The following COA1 variants were observed in gnomAD, a reference collection of about 807,000 sequenced individuals.
The protein encoded by COA1 is cytochrome c oxidase assembly factor 1 homolog.
COA1 carries 13 observed loss-of-function variants against 16.0 expected under a neutral mutation model. The ratio of observed to expected loss-of-function variants is 0.81; its 90% CI spans 0.53 to 1.29. The LOEUF is 1.29. Ranked by LOEUF, COA1 falls within the 50% of genes most tolerant of loss-of-function variation. The pLI, the probability that COA1 is intolerant of heterozygous loss-of-function variation, is 0.00. For missense variants in COA1, 179 were observed against 177.0 expected, an observed-to-expected ratio of 1.01 and a Z score of -0.06; for synonymous variants, 65 against 65.7, an observed-to-expected ratio of 0.99 and a Z score of 0.05.
At chr7:43,660,452 G>A (rs2092309473) in intron 1 of COA1, among the ~76,000 whole-genome samples, 1 of 152,108 alleles carries the variant, frequency 6.6e-6, no homozygotes, top group South Asian at 2.1e-4. Context: ...GCTTCCATAT[G>A]TTTACTCACA....
At chr7:43,726,777 C>CT (rs1486055364) in intron 1 of COA1, among the ~76,000 whole-genome samples, 1 of 152,172 alleles carries the variant, frequency 6.6e-6, no homozygotes, top group African/African-American at 2.4e-5. Context: ...ATCTAAAAGA[C>CT]TATCACATAT....
In COA1 at chr7:43,645,291, A is replaced by T; in HGVS notation, c.224T>A (p.Leu75His). ...GTCCACGAAGTTTTCCCTGTCGATG[A>T]GCTTGAGATAATGGATGTTGAGAGG... Reference protein sequence around the residue: ...GPPLNIHYLKLIDRENFVDIV... With the variant: ...GPPLNIHYLKHIDRENFVDIV... The change falls in exon 4 of 6, where the codon CTC becomes CAC. Residue 75 changes from leucine (L) to histidine (H), a missense_variant. Transcript: ENST00000223336. 6.2e-7 allele frequency: 1 copy of T among 1,614,056 alleles called. No individual in the cohort carries two copies. The highest frequency in any genetic ancestry group is 8.5e-7 in the Non-Finnish European group (1 of 1,179,986).
chr7:43,677,983 A>G (rs117598499), intron 1 of COA1, among the ~76,000 whole-genome samples: 1 of 152,144 alleles, frequency 6.6e-6, no homozygotes, highest in African/African-American at 2.4e-5. Flanking sequence ...AATTGCAACC[A>G]AACAGTATTT....
At chr7:43,670,442 G>A (rs56254598) in intron 1 of COA1, among the ~76,000 whole-genome samples, 4,605 of 151,742 alleles carry the variant, frequency 0.03, 90 homozygotes, top group Non-Finnish European at 0.046. Flanking sequence ...AACAGGGTGA[G>A]ACTTGGTCTA....
chr7:43,720,485 T>A (rs2095484956), intron 1 of COA1, among the ~76,000 whole-genome samples: 1 of 152,102 alleles, frequency 6.6e-6, no homozygotes, highest in African/African-American at 2.4e-5. Context: ...TGTTTAAGAA[T>A]AAAAATATGG....
rs139408082 is a variant in COA1, at chr7:43,669,817, C to T, written c.-38-21165G>A. On this transcript the variant is annotated intron_variant, in intron 1 of 5. Coordinates refer to ENST00000223336, the MANE Select transcript of COA1 (RefSeq NM_018224.4). ...TCAAATAACTTTACCCTACCCAGGA[C>T]TTGCCCAGGTTTCTGTTCTTGGGTT... is the stretch of plus-strand genomic sequence containing the variant. Among the ~76,000 whole-genome samples the T allele has an allele frequency of 3.9e-3, 595 of 151,570 alleles. 4 individuals are homozygous for T. The highest frequency in any genetic ancestry group is 0.017 in the Middle Eastern group (5 of 294).
chr7:43,701,975 T>G (rs1049837651), intron 1 of COA1, among the ~76,000 whole-genome samples: 2 of 152,132 alleles, frequency 1.3e-5, no homozygotes, highest in Admixed American at 6.6e-5. Flanking sequence ...TTCTGGATAT[T>G]AGATCATTGT....
At chr7:43,660,451 T>C (rs968650329) in intron 1 of COA1, among the ~76,000 whole-genome samples, 3 of 152,200 alleles carry the variant, frequency 2.0e-5, no homozygotes, top group African/African-American at 7.2e-5. Flanking sequence ...GGCTTCCATA[T>C]GTTTACTCAC....
intron 6 of COA1, chr7:43,623,700 C>T (rs2084170436): frequency 1.2e-6 from 2 of 1,600,442 alleles, no homozygotes. Flanking sequence ...CATTTTCTTT[C>T]TAATTTAGGA....
At chr7:43,639,925 G>A (rs1173555749) in intron 5 of COA1, among the ~76,000 whole-genome samples, 1 of 152,190 alleles carries the variant, frequency 6.6e-6, no homozygotes, top group African/African-American at 2.4e-5. Flanking sequence ...GGGACATCAG[G>A]AAGAAGGAGC....
intron 1 of COA1, among the ~76,000 whole-genome samples, chr7:43,717,124 C>T (rs1264882043): frequency 1.3e-5 from 2 of 152,224 alleles, no homozygotes; most frequent in African/African-American, 4.8e-5. Context: ...GTTGGAGCCC[C>T]CACACAGAGT....
At chr7:43,691,424 A>AGAAAGAAG (rs2094349891) in intron 1 of COA1, among the ~76,000 whole-genome samples, 1 of 30,466 alleles carries the variant, frequency 3.3e-5, no homozygotes, top group Non-Finnish European at 7.0e-5. Context: ...AGAAAGAAAA[A>AGAAAGAAG]GAAAGAAAGA....
intron 4 of COA1, among the ~76,000 whole-genome samples, chr7:43,643,056 G>A (rs1004928317): frequency 6.6e-6 from 1 of 152,212 alleles, no homozygotes; most frequent in African/African-American, 2.4e-5. Flanking sequence ...TCACTGCAGA[G>A]TCACAGCATT....
In COA1 at chr7:43,677,983, A is replaced by T. The variant is rs117598499; in HGVS notation, c.-38-29331T>A. 1.1e-3 allele frequency among the ~76,000 whole-genome samples: 161 copies of T among 152,262 alleles called. 1 individual carries two copies. The East Asian group carries it at 0.024, about 23-fold the overall frequency. ...CCTTTTTCCCATGAAAATTGCAACCAAACAGTATTTAAAAACTAACAACAC... is the reference window on the plus strand; with the variant it reads ...CCTTTTTCCCATGAAAATTGCAACCTAACAGTATTTAAAAACTAACAACAC... On this transcript the variant is annotated intron_variant, in intron 1 of 5. Transcript: ENST00000223336.
intron 1 of COA1, among the ~76,000 whole-genome samples, chr7:43,698,883 T>A (rs1446711459): frequency 6.6e-6 from 1 of 152,126 alleles, no homozygotes; most frequent in Non-Finnish European, 1.5e-5. Context: ...ACACAAATTA[T>A]CCATCTGCAT....
chr7:43,717,214 A>G (rs1397211105), intron 1 of COA1, among the ~76,000 whole-genome samples: 1 of 152,180 alleles, frequency 6.6e-6, no homozygotes, highest in East Asian at 1.9e-4. Context: ...ATCCACTGAC[A>G]GCTTGCACCA....
At chr7:43,635,294 A>G (rs1269660670), downstream of COA1, among the ~76,000 whole-genome samples, 1 of 152,170 alleles carries the variant, frequency 6.6e-6, no homozygotes, top group Non-Finnish European at 1.5e-5. Context: ...ATATTGAACC[A>G]CCTTTGCATT....
Position 43,639,558 on chromosome 7 carries a change from C to T in COA1, c.*24G>A, listed in dbSNP as rs1212828006. The T allele has an allele frequency of 1.3e-6, 2 of 1,594,012 alleles. No homozygotes were observed. Among genetic ancestry groups the T allele is most frequent in the East Asian group, 2.2e-5 (1 of 44,726 alleles). On this transcript the variant is annotated 3_prime_UTR_variant, in exon 6 of 6. Transcript: ENST00000223336. ...AGATGAGGGAAGGATGGACTAGAAG[C>T]AAGCTGGGTCTTCTGGGTCGTCTCT... is the stretch of plus-strand genomic sequence containing the variant.
At chr7:43,610,346 CAAAAAAAAAAAAA>C (rs138859141) in intron 6 of COA1, among the ~76,000 whole-genome samples, 540 of 41,356 alleles carry the variant, frequency 0.013, 13 homozygotes, top group African/African-American at 0.053. Flanking sequence ...GACTCCGTCT[CAAAAAAAAAAAAA>C]AAAAAAAAAA....
Sources: gnomAD v4.1 joint callset for allele counts (sites outside exome capture counted in the v4.1 genomes callset) on GRCh38, gnomAD v4.1.1 for gene constraint, MANE v1.5 for transcripts, NCBI Gene and HGNC (gene_info 2026-07-23, HGNC 2026-07-21) for gene names.